HDAC8: variants seen among roughly 807,000 people sequenced by gnomAD.
HDAC8 encodes the protein histone deacetylase 8, also known as histone deacetylase-like 1.
In HDAC8, 1 loss-of-function variant was observed where a neutral mutation model predicts 32.2. The ratio of observed to expected loss-of-function variants is 0.03; its 90% CI spans 0.01 to 0.15. HDAC8 has a LOEUF of 0.15. HDAC8 is among the 10% of genes least tolerant of loss of function. HDAC8 has a pLI of 1.00. For synonymous variants in HDAC8, 108 were observed against 113.9 expected, an observed-to-expected ratio of 0.95 and a Z score of 0.33; for missense variants, 117 against 300.0, an observed-to-expected ratio of 0.39 and a Z score of 4.51.
At chrX:72,354,718 TTGG>T (rs2044280722) in intron 9 of HDAC8, among the ~76,000 whole-genome samples, 1 of 111,631 alleles carries the variant, frequency 9.0e-6, no homozygotes, top group Non-Finnish European at 1.9e-5. Context: ...CAAGTAGTTT[TTGG>T]TTACATGGAT....
intron 4 of HDAC8, among the ~76,000 whole-genome samples, chrX:72,555,997 TGAGGC>T (rs2051270715): frequency 8.9e-6 from 1 of 112,082 alleles, no homozygotes; most frequent in African/African-American, 3.2e-5. Flanking sequence ...TTAAGAGCTG[TGAGGC>T]AAAAGCATGA....
chrX:72,449,088 T>C (rs1183072678), intron 9 of HDAC8, among the ~76,000 whole-genome samples: 3 of 112,321 alleles, frequency 2.7e-5, no homozygotes, highest in Non-Finnish European at 3.8e-5. Flanking sequence ...CAAAGGATTA[T>C]AAATCATTCT....
chrX:72,534,877 G>A (rs1369441446), intron 4 of HDAC8, among the ~76,000 whole-genome samples: 1 of 111,494 alleles, frequency 9.0e-6, no homozygotes, highest in African/African-American at 3.3e-5. Context: ...ATACATTTTG[G>A]GTGTTTAACT....
intron 7 of HDAC8, among the ~76,000 whole-genome samples, chrX:72,483,448 A>T (rs2048571492): frequency 9.0e-6 from 1 of 111,230 alleles, no homozygotes; most frequent in Admixed American, 9.6e-5. Flanking sequence ...CTTGTGTGAT[A>T]TGCTGACTCC....
chrX:72,571,887 T>C, intron 2 of HDAC8, 170 bp downstream of exon 2: 1 of 437,423 alleles, frequency 2.3e-6, no homozygotes, highest in South Asian at 5.1e-5. Flanking sequence ...TTCTTAATTC[T>C]TCAAGAGCTT....
At chrX:72,565,088 A>G (rs116293862) in intron 4 of HDAC8, among the ~76,000 whole-genome samples, 2,215 of 112,047 alleles carry the variant, frequency 0.02, 55 homozygotes, top group African/African-American at 0.066. Context: ...CCACCTGGAT[A>G]TTTTGAAATA....
intron 4 of HDAC8, among the ~76,000 whole-genome samples, chrX:72,554,494 G>C (rs1357878187): frequency 2.9e-5 from 2 of 68,550 alleles, no homozygotes; most frequent in African/African-American, 8.7e-5. Flanking sequence ...GGGTAGGGCG[G>C]GGGGAGCGGG....
At position 72,472,073 on chromosome X, in the gene HDAC8, T is replaced by A. The variant is rs1166229541; in HGVS notation, c.738-7342A>T. ...TTTATTTTTTATTTTATTTTATTTA[T>A]TTTTTTTTTTTTGAGACGGAGTCTC... On this transcript the variant is annotated intron_variant, in intron 7 of 10. Transcript: ENST00000373573. Among the ~76,000 whole-genome samples the A allele has an allele frequency of 2.6e-3, 269 of 102,770 alleles. 1 individual carries two copies. The highest frequency in any genetic ancestry group is 8.7e-3 in the African/African-American group (253 of 29,104). The allele number at this position is 102,770 out of a possible 115,157, so 89.2% of individuals were successfully genotyped here.
intron 2 of HDAC8, among the ~76,000 whole-genome samples, chrX:72,569,204 T>C (rs1378169408): frequency 1.8e-5 from 2 of 112,446 alleles, no homozygotes; most frequent in African/African-American, 6.5e-5. Context: ...GTTACAACTT[T>C]CAGGACAAAC....
At chrX:72,426,140 C>A (rs2046633350) in intron 9 of HDAC8, among the ~76,000 whole-genome samples, 1 of 112,295 alleles carries the variant, frequency 8.9e-6, no homozygotes, top group Non-Finnish European at 1.9e-5. Context: ...TCTTTCCAGT[C>A]TGACTTTTCC....
At chrX:72,474,910 A>C (rs1246314534) in intron 7 of HDAC8, among the ~76,000 whole-genome samples, 1 of 111,882 alleles carries the variant, frequency 8.9e-6, no homozygotes, top group Non-Finnish European at 1.9e-5. Context: ...TCAGGGGCTG[A>C]ACATGTTTTG....
chrX:72,403,595 G>C (rs1466518612), intron 9 of HDAC8, among the ~76,000 whole-genome samples: 1 of 112,565 alleles, frequency 8.9e-6, no homozygotes, highest in African/African-American at 3.2e-5. Flanking sequence ...GGGAGGCTGA[G>C]GCGGGAGGAT....
chrX:72,362,316 G>C (rs1350868187), intron 9 of HDAC8, among the ~76,000 whole-genome samples: 2 of 111,642 alleles, frequency 1.8e-5, no homozygotes, highest in East Asian at 5.6e-4. Context: ...TGACATGCTG[G>C]CTCCCCTTTG....
intron 4 of HDAC8, among the ~76,000 whole-genome samples, chrX:72,501,208 C>T (rs782404485): frequency 5.4e-5 from 6 of 111,964 alleles, no homozygotes; most frequent in Non-Finnish European, 1.1e-4. Flanking sequence ...AGGCAACTTA[C>T]AGATTCAATG....
At chrX:72,419,364 C>A (rs890981597) in intron 9 of HDAC8, among the ~76,000 whole-genome samples, 6 of 111,376 alleles carry the variant, frequency 5.4e-5, no homozygotes, top group Admixed American at 9.5e-5. Context: ...TTAGATGTTA[C>A]TATAAATGCA....
At chrX:72,503,281 GT>G (rs1556017134) in intron 4 of HDAC8, among the ~76,000 whole-genome samples, 1 of 112,065 alleles carries the variant, frequency 8.9e-6, no homozygotes, top group Admixed American at 9.5e-5. Flanking sequence ...TGATGAGATG[GT>G]TTAAACAACT....
chrX:72,372,888 CTA>C (rs1319527603), intron 9 of HDAC8, among the ~76,000 whole-genome samples: 4 of 111,209 alleles, frequency 3.6e-5, no homozygotes, highest in African/African-American at 1.3e-4. Context: ...TAAGGATTTG[CTA>C]TTATTTATTA....
intron 4 of HDAC8, among the ~76,000 whole-genome samples, chrX:72,564,576 C>T (rs192059495): frequency 1.8e-4 from 20 of 112,227 alleles, no homozygotes; most frequent in Admixed American, 1.2e-3. Context: ...AAATATTTAA[C>T]TTTTCAATCT....
intron 9 of HDAC8, among the ~76,000 whole-genome samples, chrX:72,422,322 G>A (rs782331719): frequency 9.0e-6 from 1 of 110,812 alleles, no homozygotes; most frequent in Non-Finnish European, 1.9e-5. Context: ...ACTTGATGGT[G>A]TCCCACAGGT....
Sources: gnomAD v4.1 joint callset for allele counts (sites outside exome capture counted in the v4.1 genomes callset) on GRCh38, gnomAD v4.1.1 for gene constraint, MANE v1.5 for transcripts, NCBI Gene and HGNC (gene_info 2026-07-23, HGNC 2026-07-21) for gene names.